The following NTM variants were observed in gnomAD, a reference collection of about 807,000 sequenced individuals.
NTM encodes the protein IgLON family member 2.
NTM carries 13 observed loss-of-function variants against 42.1 expected under a neutral mutation model. The observed-to-expected ratio is 0.31, with a 90% CI of 0.20 to 0.49. The LOEUF (loss-of-function observed/expected upper bound fraction) is 0.49, where lower values mean the gene tolerates loss of function less well. Among genes scored for constraint, NTM ranks in the 20% least tolerant of loss-of-function variants. The pLI is 0.99. For missense variants in NTM, 373 were observed against 452.8 expected, an observed-to-expected ratio of 0.82 and a Z score of 1.60; for synonymous variants, 187 against 179.2, an observed-to-expected ratio of 1.04 and a Z score of -0.35.
At chr11:132,280,477 T>C (rs1273388767) in intron 4 of NTM, among the ~76,000 whole-genome samples, 1 of 2,566 alleles carries the variant, frequency 3.9e-4, no homozygotes, top group African/African-American at 3.5e-3. Context: ...ACTCTCTTCT[T>C]TTTTTTTTTT....
chr11:131,401,978 C>T (rs1487104808), intron 1 of NTM, among the ~76,000 whole-genome samples: 1 of 150,418 alleles, frequency 6.6e-6, no homozygotes, highest in African/African-American at 2.4e-5. Flanking sequence ...GCTCAGCCAT[C>T]AAAGTCTTGG....
At chr11:131,633,755 C>CT (rs1491273992) in intron 1 of NTM, among the ~76,000 whole-genome samples, 35 of 48,868 alleles carry the variant, frequency 7.2e-4, no homozygotes, top group African/African-American at 2.3e-3. Flanking sequence ...CTCTCTCCCT[C>CT]CCTCTCTCTC....
intron 1 of NTM, among the ~76,000 whole-genome samples, chr11:131,910,426 G>A (rs1186370327): frequency 1.3e-5 from 2 of 152,000 alleles, no homozygotes; most frequent in East Asian, 2.0e-4. Context: ...CTGGTGCACA[G>A]CCTGGGCCCG....
chr11:131,693,942 G>A (rs1428656149), intron 1 of NTM, among the ~76,000 whole-genome samples: 3 of 152,226 alleles, frequency 2.0e-5, no homozygotes, highest in African/African-American at 7.2e-5. Flanking sequence ...TTCAGGAAGA[G>A]GTGGAAGAGT....
chr11:132,013,905 A>G (rs2072815118), intron 2 of NTM, among the ~76,000 whole-genome samples: 1 of 152,114 alleles, frequency 6.6e-6, no homozygotes, highest in Admixed American at 6.5e-5. Flanking sequence ...GGTATCTTCT[A>G]GCCATTTCGA....
rs75981193 is a variant in NTM, at chr11:131,414,631, C to T, written c.82+43743C>T. ...ATATACCATGGTCTCCCATGCTCTGCCCTGGCTGTTTTCCCAGCATCCCTG... is the reference window on the plus strand; with the variant it reads ...ATATACCATGGTCTCCCATGCTCTGTCCTGGCTGTTTTCCCAGCATCCCTG... On this transcript the variant is annotated intron_variant, in intron 1 of 8. Transcript: ENST00000683400. Among the ~76,000 whole-genome samples the T allele has an allele frequency of 7.9e-5, 12 of 152,300 alleles. No individual in the cohort carries two copies. In the East Asian group the frequency reaches 2.3e-3, roughly 29 times the overall value.
intron 1 of NTM, among the ~76,000 whole-genome samples, chr11:131,717,724 G>A (rs192491216): frequency 6.6e-6 from 1 of 152,188 alleles, no homozygotes; most frequent in Non-Finnish European, 1.5e-5. Flanking sequence ...TTGCGTTATT[G>A]TATTAGCTAG....
chr11:131,430,327 A>G (rs115120428), intron 1 of NTM, among the ~76,000 whole-genome samples: 2,402 of 152,212 alleles, frequency 0.016, 59 homozygotes, highest in African/African-American at 0.052. Context: ...AGTTCCAGGG[A>G]TGGGGGTGGA....
intron 4 of NTM, among the ~76,000 whole-genome samples, chr11:132,228,156 C>T (rs958063434): frequency 4.6e-5 from 7 of 152,282 alleles, no homozygotes; most frequent in African/African-American, 9.6e-5. Context: ...GGCAACCCAA[C>T]GCCACAGAAA....
At chr11:132,283,089 C>T (rs1014747273) in intron 4 of NTM, among the ~76,000 whole-genome samples, 5 of 148,562 alleles carry the variant, frequency 3.4e-5, no homozygotes, top group African/African-American at 5.0e-5. Context: ...TGGGTTCAAG[C>T]GATTCTCCTG....
intron 3 of NTM, among the ~76,000 whole-genome samples, chr11:132,173,767 C>T (rs955792933): frequency 7.9e-5 from 12 of 152,166 alleles, no homozygotes; most frequent in African/African-American, 1.4e-4. Context: ...GGAGCTAGGA[C>T]GAGAAGTCAG....
intron 1 of NTM, among the ~76,000 whole-genome samples, chr11:131,775,047 G>C (rs2086743627): frequency 6.6e-6 from 1 of 152,186 alleles, no homozygotes; most frequent in African/African-American, 2.4e-5. Context: ...CCAGTTTACA[G>C]TCAGTATGAC....
intron 1 of NTM, among the ~76,000 whole-genome samples, chr11:131,457,649 TC>T (rs1454141775): frequency 6.6e-6 from 1 of 152,126 alleles, no homozygotes; most frequent in Non-Finnish European, 1.5e-5. Context: ...GTGTGTGAAA[TC>T]CGGAGTTCAG....
intron 4 of NTM, among the ~76,000 whole-genome samples, chr11:132,235,488 T>C (rs558202901): frequency 6.6e-6 from 1 of 152,362 alleles, no homozygotes; most frequent in East Asian, 1.9e-4. Flanking sequence ...GTAGTACTTT[T>C]GGTAGCACTG....
chr11:131,697,810 T>C (rs2075634509), intron 1 of NTM, among the ~76,000 whole-genome samples: 1 of 152,186 alleles, frequency 6.6e-6, no homozygotes, highest in Non-Finnish European at 1.5e-5. Context: ...GAAGGTGTGG[T>C]TTGTGATTTT....
At chr11:131,742,123 A>G (rs916638816) in intron 1 of NTM, among the ~76,000 whole-genome samples, 1 of 152,150 alleles carries the variant, frequency 6.6e-6, no homozygotes, top group Non-Finnish European at 1.5e-5. Flanking sequence ...ACTAATGGAT[A>G]CCAGGCTTAA....
At chr11:132,112,638 C>T (rs190520254) in intron 2 of NTM, among the ~76,000 whole-genome samples, 5 of 151,926 alleles carry the variant, frequency 3.3e-5, no homozygotes, top group East Asian at 1.9e-4. Flanking sequence ...CTAATCATGA[C>T]GTCCCCCCGG....
intron 2 of NTM, among the ~76,000 whole-genome samples, chr11:131,995,193 A>C (rs2067765715): frequency 6.6e-6 from 1 of 152,198 alleles, no homozygotes; most frequent in African/African-American, 2.4e-5. Flanking sequence ...CTAAGCACTT[A>C]GCAGGTCATG....
intron 1 of NTM, among the ~76,000 whole-genome samples, chr11:131,739,770 G>A (rs2080945031): frequency 6.6e-6 from 1 of 152,218 alleles, no homozygotes; most frequent in African/African-American, 2.4e-5. Flanking sequence ...CAAAGTCCCA[G>A]ATGGGAAACG....
Sources: allele counts gnomAD v4.1 joint callset (sites outside exome capture counted in the v4.1 genomes callset), GRCh38; gene constraint gnomAD v4.1.1; transcripts MANE v1.5; gene names NCBI Gene and HGNC (gene_info 2026-07-23, HGNC 2026-07-21).